Variants in SYNE1 observed in about 807,000 individuals in gnomAD.
The protein encoded by SYNE1 is nesprin-1.
SYNE1 carries 616 observed loss-of-function variants against 1,111.0 expected under a neutral mutation model. The observed-to-expected ratio is 0.55, with a 90% CI of 0.52 to 0.59. The LOEUF is 0.59. Ranked by LOEUF, SYNE1 falls within the 20% of genes least tolerant of loss-of-function variation. SYNE1 has a pLI of 0.00. For synonymous variants in SYNE1, 3,855 were observed against 3,825.8 expected (o/e 1.01, Z -0.28); for missense variants, 10,006 against 10,417.0 (o/e 0.96, Z 1.72).
chr6:152,367,109 AT>A, intron 62 of SYNE1, 108 bp downstream of exon 62: 1 of 1,386,210 alleles, frequency 7.2e-7, no homozygotes, highest in Non-Finnish European at 1.0e-6. Flanking sequence ...AGCATCTGAG[AT>A]TTATCATGGA....
At chr6:152,211,206 A>T in intron 124 of SYNE1, among the ~76,000 whole-genome samples, 1 of 152,352 alleles carries the variant, frequency 6.6e-6, no homozygotes, top group East Asian at 1.9e-4. Context: ...GATATGGTTC[A>T]TGCTGATCTA....
chr6:152,571,395 A>T (rs553688700), intron 3 of SYNE1, among the ~76,000 whole-genome samples: 1 of 152,338 alleles, frequency 6.6e-6, no homozygotes, highest in East Asian at 1.9e-4. Flanking sequence ...GCAGAAACAA[A>T]CAAACAAAAA....
chr6:152,415,803 AAAAAAAAAAAAAG>A, intron 41 of SYNE1, among the ~76,000 whole-genome samples: 1 of 149,406 alleles, frequency 6.7e-6, no homozygotes, highest in African/African-American at 2.4e-5. Flanking sequence ...AAAAAAAAAA[AAAAAAAAAAAAAG>A]AAGAGGAAGA....
intron 11 of SYNE1, among the ~76,000 whole-genome samples, chr6:152,490,653 C>A (rs1340156462): frequency 2.0e-5 from 3 of 152,152 alleles, no homozygotes; most frequent in Non-Finnish European, 4.4e-5. Context: ...CTACCTTTTT[C>A]GGACTCAGTC....
At chr6:152,271,942 C>G (rs1235956348) in intron 98 of SYNE1, among the ~76,000 whole-genome samples, 1 of 152,138 alleles carries the variant, frequency 6.6e-6, no homozygotes, top group African/African-American at 2.4e-5. Context: ...ATTCTCCGAG[C>G]CCTGAGCCCA....
chr6:152,635,435 T>C (rs935154286), intron 2 of SYNE1, among the ~76,000 whole-genome samples: 6 of 152,232 alleles, frequency 3.9e-5, no homozygotes, highest in Non-Finnish European at 5.9e-5. Context: ...AAAATAGATA[T>C]GTATTTTGTC....
At chr6:152,597,463 T>G (rs927964175) in intron 3 of SYNE1, among the ~76,000 whole-genome samples, 13 of 152,252 alleles carry the variant, frequency 8.5e-5, no homozygotes, top group African/African-American at 3.1e-4. Flanking sequence ...TTATTTTTAT[T>G]TTTTGTGGAA....
rs750979790 is a variant in SYNE1 at position 152,416,972 on chromosome 6, C to G, written c.5465G>C (p.Ser1822Thr). The part of the protein sequence containing the change: ...EVESKKGELQ[S>T]LQGHLAKLGS... The stretch of plus-strand genomic sequence containing the variant: ...CAACTTTGCTAAGTGACCCTGCAGA[C>G]TCTGCAATTCGCCCTTTTTGCTCTC... Residue 1822 changes from serine (S) to threonine (T), a missense_variant, in exon 41 of 146, where the codon AGT becomes ACT. This residue lies in a region of SYNE1 where 4,955 missense variants were observed against 5,017.2 expected (regional missense o/e 0.99). Coordinates refer to ENST00000367255, the MANE Select transcript of SYNE1 (RefSeq NM_182961.4). 1 of 1,614,224 alleles carries G rather than the reference C, an allele frequency of 6.2e-7. No individual in the cohort carries two copies. The highest frequency in any genetic ancestry group is 1.1e-5 in the South Asian group (1 of 91,088).
chr6:152,463,776 T>C (rs2098748123), intron 18 of SYNE1, among the ~76,000 whole-genome samples: 2 of 152,218 alleles, frequency 1.3e-5, no homozygotes, highest in South Asian at 4.1e-4. Flanking sequence ...TTTTCTGTTA[T>C]TTCTGTTTTA....
chr6:152,508,300 C>T (rs1018836702), intron 8 of SYNE1, among the ~76,000 whole-genome samples: 27 of 152,204 alleles, frequency 1.8e-4, no homozygotes, highest in Non-Finnish European at 7.3e-5. Context: ...GATTTTATTG[C>T]TTGCTCACGG....
At chr6:152,540,544 A>G (rs898476653) in intron 3 of SYNE1, among the ~76,000 whole-genome samples, 2 of 152,246 alleles carry the variant, frequency 1.3e-5, no homozygotes, top group Non-Finnish European at 2.9e-5. Context: ...TACACACTGG[A>G]GTGACCTCCA....
chr6:152,334,800 C>T (rs1326445108), intron 76 of SYNE1, among the ~76,000 whole-genome samples: 1 of 152,136 alleles, frequency 6.6e-6, no homozygotes, highest in Non-Finnish European at 1.5e-5. Flanking sequence ...ACTAAGAATG[C>T]CTAACTTTCT....
intron 106 of SYNE1, among the ~76,000 whole-genome samples, chr6:152,243,127 T>A (rs574803474): frequency 6.6e-6 from 1 of 152,338 alleles, no homozygotes; most frequent in South Asian, 2.1e-4. Flanking sequence ...TATGATAAGA[T>A]GTGGGGTAAA....
At chr6:152,618,164 G>A (rs186234843) in intron 3 of SYNE1, among the ~76,000 whole-genome samples, 2 of 152,226 alleles carry the variant, frequency 1.3e-5, no homozygotes, top group East Asian at 1.9e-4. Flanking sequence ...TGTATTGTAA[G>A]AATTCCACTT....
chr6:152,485,324 T>C (rs2098933458), intron 12 of SYNE1, among the ~76,000 whole-genome samples: 1 of 152,210 alleles, frequency 6.6e-6, no homozygotes, highest in African/African-American at 2.4e-5. Context: ...TACCAGTATA[T>C]GTTTGTCAGG....
intron 64 of SYNE1, 28 bp downstream of exon 64, chr6:152,362,142 C>A: frequency 6.2e-7 from 1 of 1,614,154 alleles, no homozygotes; most frequent in Non-Finnish European, 8.5e-7. Context: ...TGTGAGAAAA[C>A]ACATGGAATC....
intron 14 of SYNE1, chr6:152,481,540 C>T: frequency 2.2e-6 from 1 of 453,054 alleles, no homozygotes; most frequent in Non-Finnish European, 4.4e-6. Context: ...ACATGTACCC[C>T]CTGAATCTGC....
chr6:152,511,833 A>C (rs2099086648), intron 6 of SYNE1, among the ~76,000 whole-genome samples: 3 of 152,178 alleles, frequency 2.0e-5, no homozygotes. Flanking sequence ...ATCTATGTAC[A>C]ATTGACCCAA....
chr6:152,139,158 A>G (rs1319725726), intron 140 of SYNE1, among the ~76,000 whole-genome samples: 1 of 152,176 alleles, frequency 6.6e-6, no homozygotes, highest in Non-Finnish European at 1.5e-5. Context: ...TCCCAGAAGT[A>G]CCTGGATGCT....
Sources: gnomAD v4.1 joint callset for allele counts (sites outside exome capture counted in the v4.1 genomes callset) on GRCh38, gnomAD v4.1.1 for gene constraint, gnomAD v4.1.1 regional missense constraint, MANE v1.5 for transcripts, NCBI Gene and HGNC (gene_info 2026-07-23, HGNC 2026-07-21) for gene names.